RAD51B: variants seen among roughly 807,000 people sequenced by gnomAD.
RAD51B encodes DNA repair protein RAD51 homolog 2.
Under a neutral mutation model 42.2 loss-of-function variants are expected in RAD51B, and 38 were observed. That is an observed-to-expected ratio of 0.90 (90% confidence interval 0.70 to 1.18). The LOEUF (loss-of-function observed/expected upper bound fraction) is 1.18, where lower values mean the gene tolerates loss of function less well. Among genes scored for constraint, RAD51B ranks in the 50% most tolerant of loss-of-function variants. RAD51B has a pLI of 0.00. For synonymous variants in RAD51B, 154 were observed against 145.2 expected, an observed-to-expected ratio of 1.06 and a Z score of -0.43; for missense variants, 373 against 400.7, an observed-to-expected ratio of 0.93 and a Z score of 0.59.
chr14:68,274,588 T>C (rs1423149298), intron 7 of RAD51B, among the ~76,000 whole-genome samples: 2 of 152,250 alleles, frequency 1.3e-5, no homozygotes, highest in Non-Finnish European at 2.9e-5. Context: ...AAATTGCATT[T>C]GGTTGTTATA....
At chr14:68,407,800 A>T (rs1162723997) in intron 8 of RAD51B, among the ~76,000 whole-genome samples, 1 of 152,178 alleles carries the variant, frequency 6.6e-6, no homozygotes, top group Non-Finnish European at 1.5e-5. Flanking sequence ...CAGATGAGGG[A>T]GGGACATGGG....
intron 10 of RAD51B, among the ~76,000 whole-genome samples, chr14:68,514,962 C>T (rs1207290922): frequency 1.3e-5 from 2 of 152,128 alleles, no homozygotes; most frequent in Non-Finnish European, 2.9e-5. Context: ...TGATTTTCTT[C>T]CCTGTCTTCT....
intron 10 of RAD51B, among the ~76,000 whole-genome samples, chr14:68,512,652 A>G (rs1274578249): frequency 6.6e-6 from 1 of 152,098 alleles, no homozygotes; most frequent in Admixed American, 6.5e-5. Context: ...ATATTCAGTG[A>G]GCACCCATGT....
chr14:68,595,104 G>C, exon 11 of RAD51B: 1 of 1,066,930 alleles, frequency 9.4e-7, no homozygotes, highest in Middle Eastern at 4.2e-4. Flanking sequence ...ATGAACCACA[G>C]CATTTTGGTA....
chr14:67,903,647 TC>T (rs1293062097), intron 7 of RAD51B, among the ~76,000 whole-genome samples: 2 of 152,312 alleles, frequency 1.3e-5, no homozygotes, highest in East Asian at 3.9e-4. Context: ...CAGCCTCAGT[TC>T]ATGACAGTCA....
chr14:68,288,982 G>A (rs1355659228), intron 7 of RAD51B, among the ~76,000 whole-genome samples: 1 of 152,016 alleles, frequency 6.6e-6, no homozygotes, highest in East Asian at 1.9e-4. Context: ...GTATCTTATT[G>A]GCCTTGATTT....
chr14:68,331,367 C>CAAAAAAAAAAAAAAAAAAAAA (rs778136542), intron 8 of RAD51B, among the ~76,000 whole-genome samples: 1,323 of 32,812 alleles, frequency 0.04, 357 homozygotes, highest in Non-Finnish European at 0.078. Context: ...GACTCTGTCT[C>CAAAAAAAAAAAAAAAAAAAAA]AAAAAAAAAA....
intron 7 of RAD51B, among the ~76,000 whole-genome samples, chr14:68,200,960 G>T (rs2079473107): frequency 6.6e-6 from 1 of 152,046 alleles, no homozygotes; most frequent in African/African-American, 2.4e-5. Context: ...CATCCACATG[G>T]TTTTTTCTAT....
intron 11 of RAD51B, among the ~76,000 whole-genome samples, chr14:68,656,462 G>T (rs1335180837): frequency 6.6e-6 from 1 of 152,148 alleles, no homozygotes; most frequent in Non-Finnish European, 1.5e-5. Flanking sequence ...ACATGCAGGA[G>T]CCTGTATCAG....
intron 8 of RAD51B, chr14:68,339,146 G>T: frequency 1.4e-6 from 1 of 716,620 alleles, no homozygotes; most frequent in Non-Finnish European, 2.5e-6. Context: ...TCTTAGTGGG[G>T]ATGTCCCCTT....
intron 7 of RAD51B, among the ~76,000 whole-genome samples, chr14:67,940,608 T>C (rs941622841): frequency 2.6e-5 from 4 of 152,174 alleles, no homozygotes; most frequent in African/African-American, 9.6e-5. Flanking sequence ...CAGCTTATTA[T>C]GTCAAAGGAT....
At chr14:68,587,622 C>G (rs369758697) in intron 10 of RAD51B, among the ~76,000 whole-genome samples, 36 of 152,146 alleles carry the variant, frequency 2.4e-4, no homozygotes, top group East Asian at 5.8e-4. Flanking sequence ...ATCCATCCCC[C>G]CCGAGATCCA....
intron 7 of RAD51B, among the ~76,000 whole-genome samples, chr14:68,252,102 C>T (rs1566760306): frequency 6.6e-6 from 1 of 152,206 alleles, no homozygotes; most frequent in East Asian, 1.9e-4. Flanking sequence ...CAAGATCCTT[C>T]ATTCCTCTTT....
intron 4 of RAD51B, among the ~76,000 whole-genome samples, chr14:67,835,675 C>T (rs1316880388): frequency 1.3e-5 from 2 of 150,166 alleles, no homozygotes; most frequent in African/African-American, 2.4e-5. Context: ...CAAGGCAAGA[C>T]CCTGTCTTTA....
Position 68,272,570 on chromosome 14 carries a change from T to C in RAD51B, c.757-19314T>C, listed in dbSNP as rs74368218. Reference sequence around the variant, plus strand: ...CTTTGGAAGTACTCAATAATACTTATTATTATGTTTTCTGTATAAAAAATT... The same window carrying C: ...CTTTGGAAGTACTCAATAATACTTACTATTATGTTTTCTGTATAAAAAATT... On this transcript the variant is annotated intron_variant, in intron 7 of 10. Transcript: ENST00000471583. Among the ~76,000 whole-genome samples, 574 of 144,170 alleles carry C rather than the reference T, an allele frequency of 4.0e-3. 17 individuals are homozygous for C. In the East Asian group the frequency reaches 0.043, roughly 11 times the overall value. 94.6% of individuals were successfully genotyped at this position (144,170 alleles called of 152,430 possible).
At chr14:68,058,071 A>G (rs1480585516) in intron 7 of RAD51B, among the ~76,000 whole-genome samples, 1 of 151,842 alleles carries the variant, frequency 6.6e-6, no homozygotes, top group Non-Finnish European at 1.5e-5. Flanking sequence ...AATTAATCAA[A>G]TTTTTGCCTA....
intron 7 of RAD51B, among the ~76,000 whole-genome samples, chr14:68,025,609 G>A (rs1241087980): frequency 6.7e-6 from 1 of 150,322 alleles, no homozygotes; most frequent in African/African-American, 2.4e-5. Context: ...TTGGGAGACT[G>A]TGTGTTTCCA....
intron 10 of RAD51B, among the ~76,000 whole-genome samples, chr14:68,626,581 G>A (rs998124440): frequency 4.6e-5 from 7 of 152,202 alleles, no homozygotes; most frequent in Admixed American, 3.9e-4. Flanking sequence ...CTGAATGTTG[G>A]CTGAGAGCTC....
intron 7 of RAD51B, among the ~76,000 whole-genome samples, chr14:68,289,636 C>T (rs1183895005): frequency 6.6e-6 from 1 of 151,974 alleles, no homozygotes; most frequent in East Asian, 1.9e-4. Flanking sequence ...AATGCTTGAA[C>T]CTGGGAGGCA....
Sources: allele counts gnomAD v4.1 joint callset (sites outside exome capture counted in the v4.1 genomes callset), GRCh38; gene constraint gnomAD v4.1.1; transcripts MANE v1.5; gene names NCBI Gene and HGNC (gene_info 2026-07-23, HGNC 2026-07-21).